The following CNTN1 variants were observed in gnomAD, a reference collection of about 807,000 sequenced individuals.
CNTN1 encodes contactin 1, also known as contactin-1.
A neutral mutation model predicts 126.4 loss-of-function variants in CNTN1; 38 were observed. That is an observed-to-expected ratio of 0.30 (90% CI 0.23 to 0.39). The LOEUF is 0.39. Ranked by LOEUF, CNTN1 falls within the 10% of genes least tolerant of loss-of-function variation. The probability of loss-of-function intolerance (pLI) is 1.00; values close to 1 mark genes in which losing one functional copy is unlikely to be tolerated. For synonymous variants in CNTN1, 413 were observed against 422.6 expected, an observed-to-expected ratio of 0.98 and a Z score of 0.28; for missense variants, 1,009 against 1,248.4, an observed-to-expected ratio of 0.81 and a Z score of 2.89.
intron 1 of CNTN1, among the ~76,000 whole-genome samples, chr12:40,751,908 C>T (rs1485514445): frequency 1.3e-5 from 2 of 152,036 alleles, no homozygotes; most frequent in African/African-American, 2.4e-5. Flanking sequence ...ATTGACAAAG[C>T]ACATCTTCAG....
intron 1 of CNTN1, among the ~76,000 whole-genome samples, chr12:40,758,853 C>T (rs1272479211): frequency 6.6e-6 from 1 of 151,752 alleles, no homozygotes; most frequent in African/African-American, 2.4e-5. Context: ...AATGAAAGTA[C>T]ATTCCAGACA....
At chr12:40,890,089 A>G (rs1264902206) in intron 1 of CNTN1, among the ~76,000 whole-genome samples, 1 of 152,172 alleles carries the variant, frequency 6.6e-6, no homozygotes, top group African/African-American at 2.4e-5. Flanking sequence ...ATAACATTAG[A>G]TATGGACTAT....
At chr12:40,943,483 G>A (rs183791597) in intron 12 of CNTN1, 114 bp from the exon 13 acceptor site, 10 of 761,828 alleles carry the variant, frequency 1.3e-5, no homozygotes, top group African/African-American at 7.1e-5. Flanking sequence ...GTCTGTGGTC[G>A]CATGATTTAT....
At chr12:40,856,561 A>G (rs1484684992) in intron 1 of CNTN1, among the ~76,000 whole-genome samples, 2 of 152,156 alleles carry the variant, frequency 1.3e-5, no homozygotes, top group African/African-American at 4.8e-5. Context: ...GAGAAAGCAC[A>G]AAGTTGAGGG....
chr12:41,012,009 A>C (rs1224558625), intron 17 of CNTN1, among the ~76,000 whole-genome samples: 1 of 152,226 alleles, frequency 6.6e-6, no homozygotes, highest in Non-Finnish European at 1.5e-5. Context: ...TCCCATTCAC[A>C]GAAACAGCAT....
intron 17 of CNTN1, among the ~76,000 whole-genome samples, chr12:41,003,586 T>C (rs1229669831): frequency 1.3e-5 from 2 of 152,034 alleles, no homozygotes; most frequent in Non-Finnish European, 2.9e-5. Context: ...GGGCTTTTTT[T>C]TTTTTGGTTA....
chr12:40,875,411 C>A (rs531444601), intron 1 of CNTN1, among the ~76,000 whole-genome samples: 1 of 152,152 alleles, frequency 6.6e-6, no homozygotes, highest in South Asian at 2.1e-4. Context: ...CCCTCCTGCT[C>A]ATCCCCTCCT....
intron 1 of CNTN1, among the ~76,000 whole-genome samples, chr12:40,899,280 A>G (rs1944522383): frequency 6.6e-6 from 1 of 152,208 alleles, no homozygotes; most frequent in African/African-American, 2.4e-5. Context: ...GTAGTCTACC[A>G]ATCTCAGATC....
chr12:41,025,895 C>T (rs984677322), intron 21 of CNTN1, among the ~76,000 whole-genome samples: 1 of 152,092 alleles, frequency 6.6e-6, no homozygotes, highest in African/African-American at 2.4e-5. Context: ...TGTTCTTGAA[C>T]CCAAGTGGAA....
chr12:40,808,224 G>A (rs1429426684), intron 1 of CNTN1, among the ~76,000 whole-genome samples: 1 of 152,118 alleles, frequency 6.6e-6, no homozygotes, highest in Non-Finnish European at 1.5e-5. Flanking sequence ...AAAACACTAT[G>A]TTTTGGGGTT....
intron 1 of CNTN1, among the ~76,000 whole-genome samples, chr12:40,695,004 G>A (rs1024293998): frequency 1.3e-5 from 2 of 152,132 alleles, no homozygotes; most frequent in Admixed American, 6.5e-5. Context: ...CTAACAAAAC[G>A]ATCACTCCTC....
intron 1 of CNTN1, among the ~76,000 whole-genome samples, chr12:40,844,849 T>C (rs1942442176): frequency 6.6e-6 from 1 of 152,246 alleles, no homozygotes; most frequent in Admixed American, 6.5e-5. Flanking sequence ...TAATGTTCTT[T>C]ATGTGAATTA....
intron 1 of CNTN1, among the ~76,000 whole-genome samples, chr12:40,829,603 A>G (rs1482669117): frequency 6.6e-6 from 1 of 152,148 alleles, no homozygotes; most frequent in African/African-American, 2.4e-5. Flanking sequence ...TTGCTATATT[A>G]TTTGGATTTC....
intron 5 of CNTN1, among the ~76,000 whole-genome samples, chr12:40,923,302 T>C (rs374856383): frequency 7.2e-5 from 11 of 152,260 alleles, no homozygotes; most frequent in Admixed American, 2.0e-4. Context: ...AAATTTTACA[T>C]TGGGAGATGA....
chr12:40,826,178 A>G (rs1024705205), intron 1 of CNTN1, among the ~76,000 whole-genome samples: 11 of 152,218 alleles, frequency 7.2e-5, no homozygotes, highest in Non-Finnish European at 1.6e-4. Flanking sequence ...TGTACTCTAT[A>G]TAACCTTGTA....
chr12:40,807,128 T>C (rs1427109226), intron 1 of CNTN1, among the ~76,000 whole-genome samples: 1 of 152,012 alleles, frequency 6.6e-6, no homozygotes, highest in Non-Finnish European at 1.5e-5. Context: ...GGATGGATAC[T>C]TACCTTGGGC....
chr12:40,979,190 C>T (rs776899616), intron 15 of CNTN1: 18 of 152,148 alleles, frequency 1.2e-4, no homozygotes, highest in South Asian at 2.1e-4. Flanking sequence ...TATAAAAGTT[C>T]GCTTGCTTTT....
At chr12:41,051,314 A>T (rs924988279) in intron 23 of CNTN1, among the ~76,000 whole-genome samples, 1 of 146,896 alleles carries the variant, frequency 6.8e-6, no homozygotes, top group Non-Finnish European at 1.5e-5. Context: ...TGCCCAGATA[A>T]TTTTTTTTTT....
At chr12:41,019,516 T>G (rs1012889795) in intron 19 of CNTN1, among the ~76,000 whole-genome samples, 1 of 152,190 alleles carries the variant, frequency 6.6e-6, no homozygotes, top group African/African-American at 2.4e-5. Flanking sequence ...GTGTAGAACA[T>G]TTTTAAACAT....
Sources: allele counts gnomAD v4.1 joint callset (sites outside exome capture counted in the v4.1 genomes callset), GRCh38; gene constraint gnomAD v4.1.1; transcripts MANE v1.5; gene names NCBI Gene and HGNC (gene_info 2026-07-23, HGNC 2026-07-21).